RGS6: variants seen among roughly 807,000 people sequenced by gnomAD.
RGS6 encodes regulator of G-protein signaling 6.
Under a neutral mutation model 78.5 loss-of-function variants are expected in RGS6, and 30 were observed. That is an observed-to-expected ratio of 0.38 (90% CI 0.29 to 0.52). RGS6 has a LOEUF of 0.52. RGS6 is among the 20% of genes least tolerant of loss of function. The pLI is 0.85. For missense variants in RGS6, 495 were observed against 609.7 expected (o/e 0.81, Z 1.98); for synonymous variants, 206 against 206.0 (o/e 1.00, Z 0.00).
At chr14:72,234,351 T>C (rs751061306) in intron 2 of RGS6, among the ~76,000 whole-genome samples, 5 of 151,918 alleles carry the variant, frequency 3.3e-5, no homozygotes, top group Admixed American at 2.0e-4. Context: ...TGACACATAC[T>C]ATCTTGACTC....
chr14:72,180,028 A>G (rs2097154141), intron 2 of RGS6, among the ~76,000 whole-genome samples: 2 of 152,300 alleles, frequency 1.3e-5, no homozygotes, highest in Non-Finnish European at 1.5e-5. Context: ...GAGCATCTCT[A>G]GTGATAGTTG....
intron 13 of RGS6, among the ~76,000 whole-genome samples, chr14:72,502,616 T>A (rs964265437): frequency 2.6e-5 from 4 of 152,116 alleles, no homozygotes; most frequent in African/African-American, 9.6e-5. Context: ...ATACAAAAAT[T>A]AGCTGGGCAT....
chr14:72,253,763 T>TAGAGAGCTG (rs2056418614), intron 2 of RGS6, among the ~76,000 whole-genome samples: 4 of 152,168 alleles, frequency 2.6e-5, no homozygotes, highest in African/African-American at 9.7e-5. Context: ...GAGATACCAT[T>TAGAGAGCTG]AGAGAGCTGA....
chr14:72,432,573 A>T (rs761236347), intron 3 of RGS6, among the ~76,000 whole-genome samples: 8 of 152,220 alleles, frequency 5.3e-5, no homozygotes, highest in Non-Finnish European at 8.8e-5. Context: ...ATCAGAAAGC[A>T]ATGTATCTTT....
chr14:72,540,482 A>C, intron 17 of RGS6: 1 of 1,545,908 alleles, frequency 6.5e-7, no homozygotes, highest in Non-Finnish European at 8.7e-7. Flanking sequence ...TCAGAACCAT[A>C]GCTCATCGAA....
At chr14:71,917,672 G>A in the RGS6 span, among the ~76,000 whole-genome samples, 13 of 152,110 alleles carry the variant, frequency 8.5e-5, no homozygotes, top group Non-Finnish European at 1.9e-4. Flanking sequence ...TCAAACAATA[G>A]CAAAAACTTT....
intron 12 of RGS6, among the ~76,000 whole-genome samples, chr14:72,485,455 C>T (rs897298099): frequency 6.6e-6 from 1 of 152,190 alleles, no homozygotes; most frequent in Non-Finnish European, 1.5e-5. Context: ...CTGCCTCCTT[C>T]ATTGGCCTGC....
chr14:72,159,772 G>A (rs1298553633), intron 2 of RGS6, among the ~76,000 whole-genome samples: 1 of 152,026 alleles, frequency 6.6e-6, no homozygotes, highest in Non-Finnish European at 1.5e-5. Context: ...CTCCAGAGTG[G>A]GGATCCTTAT....
intron 2 of RGS6, among the ~76,000 whole-genome samples, chr14:72,137,676 A>G (rs2096466501): frequency 6.6e-6 from 1 of 152,238 alleles, no homozygotes; most frequent in Non-Finnish European, 1.5e-5. Flanking sequence ...AGATGAAGAG[A>G]TAGATGCATA....
chr14:71,979,308 T>A (rs2094322943), intron 2 of RGS6, among the ~76,000 whole-genome samples: 1 of 148,574 alleles, frequency 6.7e-6, no homozygotes, highest in East Asian at 2.0e-4. Flanking sequence ...TCTGCTAGCT[T>A]TTGAATGTGT....
chr14:72,105,508 T>G (rs1254936819), intron 2 of RGS6, among the ~76,000 whole-genome samples: 1 of 152,204 alleles, frequency 6.6e-6, no homozygotes, highest in Non-Finnish European at 1.5e-5. Context: ...TAACCAAGTT[T>G]TTTTCTGAAA....
chr14:71,875,809 G>C, the RGS6 span, among the ~76,000 whole-genome samples: 1 of 152,174 alleles, frequency 6.6e-6, no homozygotes, highest in Non-Finnish European at 1.5e-5. Flanking sequence ...TCTACACACT[G>C]CTTTAAATGT....
chr14:72,599,745 A>G, the RGS6 span, among the ~76,000 whole-genome samples: 1 of 151,982 alleles, frequency 6.6e-6, no homozygotes, highest in Non-Finnish European at 1.5e-5. Flanking sequence ...TTTCAAAACC[A>G]GTCACAGCCC....
At chr14:72,227,262 A>G (rs1413534050) in intron 2 of RGS6, among the ~76,000 whole-genome samples, 1 of 152,108 alleles carries the variant, frequency 6.6e-6, no homozygotes, top group East Asian at 1.9e-4. Flanking sequence ...TTTCATTTTA[A>G]TATTGCATAC....
intron 3 of RGS6, among the ~76,000 whole-genome samples, chr14:72,372,350 A>T (rs879741223): frequency 1.7e-4 from 26 of 152,194 alleles, no homozygotes; most frequent in South Asian, 1.0e-3. Flanking sequence ...TTTTTATATA[A>T]AATTTAAATT....
chr14:72,589,718 T>C, the RGS6 span, among the ~76,000 whole-genome samples: 3 of 152,168 alleles, frequency 2.0e-5, no homozygotes, highest in African/African-American at 7.2e-5. Flanking sequence ...ATTAGAGCAA[T>C]CACAAAAATG....
chr14:72,623,083 T>C, the RGS6 span, among the ~76,000 whole-genome samples: 2 of 152,228 alleles, frequency 1.3e-5, no homozygotes, highest in African/African-American at 4.8e-5. Flanking sequence ...ACATATATAC[T>C]TGTTACCATT....
chr14:72,474,272 A>C (rs528444253), intron 9 of RGS6, among the ~76,000 whole-genome samples: 3 of 152,220 alleles, frequency 2.0e-5, no homozygotes, highest in African/African-American at 7.2e-5. Flanking sequence ...AAAAGCAAAA[A>C]ATAAATAAAT....
chr14:72,568,759 T>A (rs1459077011), downstream of RGS6, among the ~76,000 whole-genome samples: 1 of 152,234 alleles, frequency 6.6e-6, no homozygotes, highest in Non-Finnish European at 1.5e-5. Flanking sequence ...TCTGAGCTCT[T>A]GTTCCAAAAT....
Sources: gnomAD v4.1 joint callset for allele counts (sites outside exome capture counted in the v4.1 genomes callset) on GRCh38, gnomAD v4.1.1 for gene constraint, MANE v1.5 for transcripts, NCBI Gene and HGNC (gene_info 2026-07-23, HGNC 2026-07-21) for gene names.